TMEM150C: variants seen among roughly 807,000 people sequenced by gnomAD.
TMEM150C encodes tentonin 3.
Under a neutral mutation model 29.9 loss-of-function variants are expected in TMEM150C, and 10 were observed. The ratio of observed to expected loss-of-function variants is 0.33; its 90% confidence interval spans 0.21 to 0.57. The LOEUF (loss-of-function observed/expected upper bound fraction) is 0.57, where lower values mean the gene tolerates loss of function less well. Among genes scored for constraint, TMEM150C ranks in the 20% least tolerant of loss-of-function variants. TMEM150C has a pLI of 0.88. For missense variants in TMEM150C, 251 were observed against 303.6 expected, an observed-to-expected ratio of 0.83 and a Z score of 1.29; for synonymous variants, 101 against 112.5, an observed-to-expected ratio of 0.90 and a Z score of 0.64.
At chr4:82,556,100 T>G (rs1725727150) in intron 1 of TMEM150C, among the ~76,000 whole-genome samples, 2 of 152,102 alleles carry the variant, frequency 1.3e-5, no homozygotes, top group Admixed American at 1.3e-4. Context: ...TGTTTTTTTT[T>G]TTCTTGGAGG....
chr4:82,510,059 C>T (rs552838321), intron 1 of TMEM150C, among the ~76,000 whole-genome samples: 154 of 151,924 alleles, frequency 1.0e-3, no homozygotes, highest in African/African-American at 3.5e-3. Flanking sequence ...TTATTAGGGC[C>T]GTGAGGTCAG....
chr4:82,504,212 T>G (rs1426525329), intron 2 of TMEM150C, among the ~76,000 whole-genome samples: 5 of 152,010 alleles, frequency 3.3e-5, no homozygotes, highest in Admixed American at 3.3e-4. Context: ...TCTACTATTT[T>G]TTGGGGGGGT....
chr4:82,495,233 G>A (rs1723507632), intron 6 of TMEM150C: 2 of 283,926 alleles, frequency 7.0e-6, no homozygotes, highest in African/African-American at 2.3e-5. Context: ...GCGAGGTCAG[G>A]AGATCAAGAC....
chr4:82,502,663 G>T, intron 5 of TMEM150C, 64 bp downstream of exon 5: 2 of 1,486,220 alleles, frequency 1.3e-6, no homozygotes, highest in East Asian at 2.4e-5. Context: ...CAAGGGTTTG[G>T]GAGAATTTAA....
At chr4:82,510,602 T>C (rs1724092512) in intron 1 of TMEM150C, among the ~76,000 whole-genome samples, 1 of 152,238 alleles carries the variant, frequency 6.6e-6, no homozygotes, top group African/African-American at 2.4e-5. Flanking sequence ...ATTGAAAATA[T>C]GTTTAAAGCA....
At chr4:82,562,002 C>T, upstream of TMEM150C, 2 of 1,116,672 alleles carry the variant, frequency 1.8e-6, no homozygotes, top group East Asian at 9.9e-5. Context: ...GCGCTTCCTT[C>T]AGGAAGGGGT....
At chr4:82,529,675 G>A (rs964803715) in intron 1 of TMEM150C, among the ~76,000 whole-genome samples, 3 of 152,174 alleles carry the variant, frequency 2.0e-5, no homozygotes, top group Non-Finnish European at 4.4e-5. Context: ...GGATTGGCTA[G>A]TGAGTCGATC....
Position 82,494,581 on chromosome 4 carries a change from G to A in TMEM150C, c.363+1487C>T, listed in dbSNP as rs1204297507. On this transcript the variant is annotated intron_variant, in intron 6 of 7. Coordinates refer to ENST00000449862, the MANE Select transcript of TMEM150C (RefSeq NM_001080506.3). ...GGTACATTAGGATCCAATTTGTTAC[G>A]AAAAAAAAGTATAAACCACTTGGAA... Among the ~76,000 whole-genome samples the A allele has an allele frequency of 1.3e-4, 19 of 151,564 alleles. 1 individual carries two copies. In the East Asian group the frequency reaches 3.7e-3, roughly 29 times the overall value.
At chr4:82,495,885 C>T in intron 6 of TMEM150C, 183 bp downstream of exon 6, 1 of 716,792 alleles carries the variant, frequency 1.4e-6, no homozygotes, top group Non-Finnish European at 2.3e-6. Context: ...AGGAGCTGTT[C>T]AGCTTCATCT....
chr4:82,559,931 T>C (rs1725866488), intron 1 of TMEM150C, among the ~76,000 whole-genome samples: 1 of 152,160 alleles, frequency 6.6e-6, no homozygotes. Context: ...TGACCCACTG[T>C]ACTAAAGAGG....
At chr4:82,495,684 C>T (rs1723532536) in intron 6 of TMEM150C, 2 of 293,476 alleles carry the variant, frequency 6.8e-6, no homozygotes, top group African/African-American at 4.4e-5. Context: ...TCAAGATACC[C>T]TGCTTGTTGT....
chr4:82,559,105 C>T (rs866570982), intron 1 of TMEM150C, among the ~76,000 whole-genome samples: 2 of 152,184 alleles, frequency 1.3e-5, no homozygotes, highest in African/African-American at 2.4e-5. Context: ...CTAACTCCAC[C>T]GCCTATCCCA....
At chr4:82,537,275 G>A (rs909195410) in intron 1 of TMEM150C, among the ~76,000 whole-genome samples, 4 of 152,080 alleles carry the variant, frequency 2.6e-5, no homozygotes, top group Non-Finnish European at 4.4e-5. Flanking sequence ...GTGAGCCACC[G>A]CGTCCGGCCC....
intron 6 of TMEM150C, chr4:82,491,157 A>C: frequency 1.4e-6 from 1 of 701,314 alleles, no homozygotes; most frequent in Non-Finnish European, 2.6e-6. Flanking sequence ...GTGTGCAATC[A>C]CCACCAGCTG....
At chr4:82,539,044 G>A (rs939371019) in intron 1 of TMEM150C, among the ~76,000 whole-genome samples, 2 of 152,060 alleles carry the variant, frequency 1.3e-5, no homozygotes, top group African/African-American at 4.8e-5. Flanking sequence ...TCCAGCCTGG[G>A]GAACAGACCT....
chr4:82,511,987 G>A (rs527805697), intron 1 of TMEM150C, among the ~76,000 whole-genome samples: 1 of 152,278 alleles, frequency 6.6e-6, no homozygotes, highest in East Asian at 1.9e-4. Context: ...AATTTTATTA[G>A]GGACAGCAAT....
chr4:82,515,501 G>A (rs974036598), intron 1 of TMEM150C, among the ~76,000 whole-genome samples: 1 of 152,084 alleles, frequency 6.6e-6, no homozygotes, highest in African/African-American at 2.4e-5. Context: ...CACTTTGGGA[G>A]GCCGAGGTGG....
At chr4:82,546,093 CA>C (rs1314381555) in intron 1 of TMEM150C, among the ~76,000 whole-genome samples, 2 of 152,148 alleles carry the variant, frequency 1.3e-5, no homozygotes, top group Non-Finnish European at 2.9e-5. Context: ...ACAGATGACA[CA>C]ACCATGGAAA....
chr4:82,501,725 T>TAGAAG (rs1723742914), intron 5 of TMEM150C, among the ~76,000 whole-genome samples: 1 of 152,212 alleles, frequency 6.6e-6, no homozygotes, highest in Non-Finnish European at 1.5e-5. Flanking sequence ...TCCCTTGATT[T>TAGAAG]TCCACTGACT....
Sources: gnomAD v4.1 joint callset for allele counts (sites outside exome capture counted in the v4.1 genomes callset) on GRCh38, gnomAD v4.1.1 for gene constraint, MANE v1.5 for transcripts, NCBI Gene and HGNC (gene_info 2026-07-23, HGNC 2026-07-21) for gene names.